The following STXBP5 variants were observed in gnomAD, a reference collection of about 807,000 sequenced individuals.
STXBP5 encodes the protein syntaxin binding protein 5, also known as syntaxin-binding protein 5.
In STXBP5, 50 loss-of-function variants were observed where a neutral mutation model predicts 152.4. The ratio of observed to expected loss-of-function variants is 0.33; its 90% CI spans 0.26 to 0.42. STXBP5 has a LOEUF of 0.42. STXBP5 is among the 10% of genes least tolerant of loss of function. STXBP5 has a pLI of 1.00. For synonymous variants in STXBP5, 492 were observed against 494.7 expected (o/e 0.99, Z 0.07); for missense variants, 1,167 against 1,388.6 (o/e 0.84, Z 2.54).
chr6:147,367,563 G>A (rs1333063335), intron 25 of STXBP5, among the ~76,000 whole-genome samples: 6 of 152,078 alleles, frequency 3.9e-5, no homozygotes, highest in Admixed American at 2.0e-4. Context: ...GCTTGAACCC[G>A]GGAGGCGGAG....
chr6:147,268,651 T>C (rs1780008585), intron 7 of STXBP5, among the ~76,000 whole-genome samples: 2 of 152,212 alleles, frequency 1.3e-5, no homozygotes, highest in South Asian at 4.1e-4. Flanking sequence ...TCTGTAGTTG[T>C]GGTCTGCAGA....
At position 147,363,615 on chromosome 6, in the gene STXBP5, C is replaced by T. The variant is rs765482367; in HGVS notation, c.2826C>T (p.Thr942=). 5.6e-6 allele frequency: 9 copies of T among 1,614,086 alleles called. No individual in the cohort carries two copies. In the East Asian group the frequency reaches 1.1e-4, roughly 20 times the overall value. Residue 942 remains threonine (T), a synonymous_variant, in exon 24 of 28, where the codon ACC becomes ACT. Coordinates refer to ENST00000321680, the MANE Select transcript of STXBP5 (RefSeq NM_001127715.4). ...CTTATAAGCAAAATATTACAGAGAC[C>T]TCGTTTGTGCTTCGTGGAGATATTG... ...NCAYKQNITE[T]SFVLRGDIVA...
At chr6:147,250,437 C>T (rs913855608) in intron 4 of STXBP5, among the ~76,000 whole-genome samples, 2 of 152,114 alleles carry the variant, frequency 1.3e-5, no homozygotes, top group African/African-American at 4.8e-5. Context: ...ATTTGCATTG[C>T]ACTTACATTG....
rs1281878926 is a variant in STXBP5 at position 147,363,655 on chromosome 6, A to G, written c.2866A>G (p.Ser956Gly). 3 of 1,613,986 alleles carry G rather than the reference A, an allele frequency of 1.9e-6. No homozygotes were observed. Among genetic ancestry groups the G allele is most frequent in the Admixed American group, 1.7e-5 (1 of 60,012 alleles). The change falls in exon 24 of 28, where the codon AGT becomes GGT. Residue 956 changes from serine (S) to glycine (G), a missense_variant. By Grantham distance (56) the Ser-to-Gly change is moderately conservative. Coordinates refer to ENST00000321680, the MANE Select transcript of STXBP5 (RefSeq NM_001127715.4). ...LRGDIVALSN[S>G]ICLACFCANG... is the part of the protein sequence containing the mutation. ...TGGAGATATTGTAGCATTGAGTAAC[A>G]GTATCTGCCTTGCCTGTTTCTGTGC... is the stretch of plus-strand genomic sequence containing the variant.
intron 13 of STXBP5, 121 bp downstream of exon 13, chr6:147,314,452 A>T (rs1782540314): frequency 1.5e-6 from 2 of 1,298,704 alleles, no homozygotes; most frequent in African/African-American, 3.0e-5. Context: ...ATATAATAAG[A>T]AATGTTATTC....
In STXBP5 at chr6:147,385,014, G is replaced by T; in HGVS notation, c.*259G>T. 2.2e-6 allele frequency: 1 copy of T among 452,392 alleles called. No homozygotes were observed. The allele number at this position is 452,392 out of a possible 1,614,324, so 28.0% of individuals were successfully genotyped here. The stretch of plus-strand genomic sequence containing the variant: ...AAACAGGTCACACGTGACAGATGAA[G>T]AAACCAAGGGGGCTGCTGAGGAGAC... On this transcript the variant is annotated 3_prime_UTR_variant, in exon 28 of 28. Transcript: ENST00000321680.
intron 7 of STXBP5, among the ~76,000 whole-genome samples, chr6:147,269,814 C>G (rs1310983795): frequency 6.6e-6 from 1 of 152,074 alleles, no homozygotes; most frequent in Non-Finnish European, 1.5e-5. Flanking sequence ...AAGGACAGAT[C>G]ATTAGTGAAC....
intron 16 of STXBP5, among the ~76,000 whole-genome samples, chr6:147,321,735 C>A (rs934850076): frequency 1.3e-5 from 2 of 152,138 alleles, no homozygotes; most frequent in South Asian, 4.1e-4. Context: ...ATTTAAAATA[C>A]GTTTGTACAA....
chr6:147,273,045 T>C (rs1377623008), intron 7 of STXBP5, among the ~76,000 whole-genome samples: 3 of 152,068 alleles, frequency 2.0e-5, no homozygotes, highest in Non-Finnish European at 4.4e-5. Flanking sequence ...TTTTTTAGGC[T>C]ATGATGTATT....
rs955968433 is a variant in STXBP5 at position 147,316,323 on chromosome 6, A to G, written c.1718A>G (p.Asn573Ser). The G allele has an allele frequency of 5.0e-6, 8 of 1,613,362 alleles. No individual in the cohort carries two copies. Among genetic ancestry groups the G allele is most frequent in the Admixed American group, 1.7e-5 (1 of 59,786 alleles). The change falls in exon 16 of 28, where the codon AAC becomes AGC. Residue 573 changes from asparagine (N) to serine (S), a missense_variant. Transcript: ENST00000321680. ...PPLPTPVGGS[N>S]PQPIPPQSHP... ...TTGCCAACACCCGTGGGAGGGTCCA[A>G]CCCTCAGCCCATCCCTCCTCAGTCT...
chr6:147,334,668 G>C (rs1783742335), intron 19 of STXBP5, among the ~76,000 whole-genome samples: 1 of 151,948 alleles, frequency 6.6e-6, no homozygotes, highest in Non-Finnish European at 1.5e-5. Context: ...TATATTTATA[G>C]CTGTATTAAA....
chr6:147,231,749 A>G (rs1207200206), intron 2 of STXBP5, among the ~76,000 whole-genome samples: 2 of 151,612 alleles, frequency 1.3e-5, no homozygotes, highest in Non-Finnish European at 3.0e-5. Context: ...AATTTTTTTC[A>G]TTTAATTGTG....
At chr6:147,254,607 A>G (rs957528072) in intron 4 of STXBP5, among the ~76,000 whole-genome samples, 1 of 152,160 alleles carries the variant, frequency 6.6e-6, no homozygotes, top group Non-Finnish European at 1.5e-5. Flanking sequence ...GAAAAAAACA[A>G]CCCCATCAAA....
Position 147,267,109 on chromosome 6 carries a change from C to T in STXBP5, c.656C>T (p.Thr219Ile). ...GKLLIGFESG[T>I]VVLWDLKSKK... Reference sequence around the variant, plus strand: ...CTTTTGATTGGCTTTGAATCTGGAACAGTAGTTTTATGGGACCTCAAATCA... The same window carrying T: ...CTTTTGATTGGCTTTGAATCTGGAATAGTAGTTTTATGGGACCTCAAATCA... Residue 219 changes from threonine (T) to isoleucine (I), a missense_variant, in exon 7 of 28, where the codon ACA becomes ATA. Around this residue, in one of 3 missense-constraint regions of STXBP5, gnomAD observed 310 missense variants for 346.1 expected, o/e 0.90. Transcript: ENST00000321680. The T allele has an allele frequency of 6.2e-7, 1 of 1,611,526 alleles. No individual in the cohort carries two copies. Among genetic ancestry groups the T allele is most frequent in the Non-Finnish European group, 8.5e-7 (1 of 1,179,018 alleles).
intron 14 of STXBP5, among the ~76,000 whole-genome samples, chr6:147,315,005 T>A (rs1298676458): frequency 3.3e-5 from 5 of 152,062 alleles, no homozygotes; most frequent in Admixed American, 3.3e-4. Flanking sequence ...GCGAAATAAA[T>A]CTGGTGGTTA....
intron 9 of STXBP5, among the ~76,000 whole-genome samples, chr6:147,305,526 A>G (rs568431184): frequency 1.3e-5 from 2 of 152,324 alleles, no homozygotes; most frequent in South Asian, 2.1e-4. Context: ...CAATTTATGC[A>G]TATGAACCTA....
In STXBP5 at chr6:147,389,681, TTTTG is replaced by T. The variant is rs1259356742; in HGVS notation, c.*4934_*4937del. On this transcript the variant is annotated 3_prime_UTR_variant, in exon 28 of 28. Transcript: ENST00000321680. ...GGAATCCTATTTATTTGGTAGTTGG[TTTTG>T]TTTGTTTTTGTTTATTTACTTTTGC... 7 of 151,912 alleles carry T rather than the reference TTTTG, an allele frequency of 4.6e-5. No homozygotes were observed. The highest frequency in any genetic ancestry group is 2.0e-4 in the Admixed American group (3 of 15,226). 9.4% of individuals were successfully genotyped at this position (151,912 alleles called of 1,614,324 possible).
intron 10 of STXBP5, among the ~76,000 whole-genome samples, chr6:147,311,084 T>C (rs1395624086): frequency 6.6e-6 from 1 of 152,184 alleles, no homozygotes; most frequent in Non-Finnish European, 1.5e-5. Context: ...CAGGCACATA[T>C]GAAACATCCA....
chr6:147,234,784 T>C (rs1396110628), intron 2 of STXBP5, among the ~76,000 whole-genome samples: 1 of 151,946 alleles, frequency 6.6e-6, no homozygotes, highest in East Asian at 1.9e-4. Flanking sequence ...TACTTAAAAA[T>C]TACACTGCAG....
Sources: gnomAD v4.1 joint callset for allele counts (sites outside exome capture counted in the v4.1 genomes callset) on GRCh38, gnomAD v4.1.1 for gene constraint, gnomAD v4.1.1 regional missense constraint, MANE v1.5 for transcripts, NCBI Gene and HGNC (gene_info 2026-07-23, HGNC 2026-07-21) for gene names.